The following UNKL variants were observed in gnomAD, a reference collection of about 807,000 sequenced individuals.
The protein encoded by UNKL is unk like zinc finger.
Under a neutral mutation model 78.0 loss-of-function variants are expected in UNKL, and 60 were observed. The observed-to-expected ratio is 0.77, with a 90% confidence interval of 0.63 to 0.95. The LOEUF (loss-of-function observed/expected upper bound fraction) is 0.95. Ranked by LOEUF, UNKL falls within the 40% of genes least tolerant of loss-of-function variation. UNKL has a pLI of 0.00. For missense variants in UNKL, 1,159 were observed against 1,045.7 expected, an observed-to-expected ratio of 1.11 and a Z score of -1.49; for synonymous variants, 608 against 474.8, an observed-to-expected ratio of 1.28 and a Z score of -3.65.
chr16:1,392,789 G>T, intron 8 of UNKL, 102 bp downstream of exon 8: 1 of 1,363,888 alleles, frequency 7.3e-7, no homozygotes, highest in Non-Finnish European at 1.0e-6. Context: ...TCCACAGACT[G>T]CCCACGACCA....
At chr16:1,379,556 A>G in intron 10 of UNKL, 2 of 985,032 alleles carry the variant, frequency 2.0e-6, no homozygotes, top group Non-Finnish European at 2.4e-6. Flanking sequence ...CACCTAAGGG[A>G]GGGCCCGCTC....
chr16:1,393,264 G>C (rs562110224), intron 7 of UNKL, among the ~76,000 whole-genome samples: 14 of 152,344 alleles, frequency 9.2e-5, no homozygotes, highest in African/African-American at 3.1e-4. Flanking sequence ...ATTTGAGCTT[G>C]TGACCACACA....
chr16:1,395,806 C>A (rs754345963), intron 6 of UNKL: 3 of 455,414 alleles, frequency 6.6e-6, no homozygotes, highest in Non-Finnish European at 1.3e-5. Flanking sequence ...GGACTCCCGA[C>A]AGGCCCCTGG....
intron 7 of UNKL, among the ~76,000 whole-genome samples, chr16:1,393,881 G>C (rs1443224521): frequency 6.6e-6 from 1 of 152,228 alleles, no homozygotes. Context: ...CGTGCCTGAA[G>C]ACAGGGTCCC....
intron 2 of UNKL, among the ~76,000 whole-genome samples, chr16:1,413,105 T>C (rs911941547): frequency 1.3e-5 from 2 of 151,776 alleles, no homozygotes; most frequent in African/African-American, 4.8e-5. Flanking sequence ...CAAAATTAGC[T>C]GGCATGGCAT....
In UNKL at chr16:1,395,842, G is replaced by A. The variant is rs57684031; in HGVS notation, c.852+1336C>T. 6.7e-3 allele frequency: 2,936 copies of A among 437,000 alleles called. 58 individuals are homozygous for A. The highest frequency in any genetic ancestry group is 0.052 in the African/African-American group (2,599 of 49,750). The allele number at this position is 437,000 out of a possible 1,614,324, so 27.1% of individuals were successfully genotyped here. A position where few individuals can be genotyped will look rare whatever the true frequency, so the allele number is the denominator to read the frequency against. On this transcript the variant is annotated intron_variant, in intron 6 of 14. Transcript: ENST00000389221. Reference sequence around the variant, plus strand: ...TGACACCATTGAGTGTGTGGTCACCGACACCCAGAAAGCATGATGCGCGTC... The same window carrying A: ...TGACACCATTGAGTGTGTGGTCACCAACACCCAGAAAGCATGATGCGCGTC...
chr16:1,411,540 A>G (rs1013826152), intron 2 of UNKL, among the ~76,000 whole-genome samples: 1 of 151,998 alleles, frequency 6.6e-6, no homozygotes, highest in Admixed American at 6.6e-5. Context: ...TCAAAAAACA[A>G]AAACAGCCGG....
At chr16:1,369,591 A>C (rs1017144423) in intron 12 of UNKL, among the ~76,000 whole-genome samples, 49 of 149,576 alleles carry the variant, frequency 3.3e-4, no homozygotes, top group African/African-American at 1.0e-3. Context: ...CTGGTCTTGA[A>C]CTCCCAATCT....
chr16:1,406,152 A>G (rs2037753256), intron 2 of UNKL: 1 of 426,682 alleles, frequency 2.3e-6, no homozygotes, highest in Admixed American at 2.5e-5. Flanking sequence ...GGCCCAGAGC[A>G]CAGCACTGAA....
At chr16:1,401,973 T>C (rs1567233669) in intron 3 of UNKL, among the ~76,000 whole-genome samples, 3 of 152,204 alleles carry the variant, frequency 2.0e-5, no homozygotes, top group African/African-American at 7.2e-5. Flanking sequence ...TCACAGCTCA[T>C]TGCAGTCTCC....
intron 10 of UNKL, chr16:1,379,653 G>A (rs2036510012): frequency 4.1e-6 from 4 of 984,424 alleles, no homozygotes; most frequent in South Asian, 4.7e-5. Context: ...CACGGTCCGC[G>A]GCCGCCCCGC....
intron 3 of UNKL, among the ~76,000 whole-genome samples, 166 bp from the exon 4 acceptor site, chr16:1,401,867 G>A (rs1310144610): frequency 6.6e-6 from 1 of 152,196 alleles, no homozygotes; most frequent in African/African-American, 2.4e-5. Context: ...CTGGCCCGCA[G>A]TCCTCATCCA....
intron 10 of UNKL, among the ~76,000 whole-genome samples, chr16:1,377,041 G>A (rs370582881): frequency 2.4e-4 from 37 of 151,866 alleles, no homozygotes; most frequent in African/African-American, 8.5e-4. Flanking sequence ...CCCCCCAACC[G>A]AGATAGAGTC....
chr16:1,393,011 C>T (rs1165717842), intron 7 of UNKL, 35 bp from the exon 8 acceptor site: 5 of 1,544,606 alleles, frequency 3.2e-6, no homozygotes, highest in South Asian at 2.4e-5. Flanking sequence ...CTCTGAGGGC[C>T]GCTGGTGGGC....
rs2035197704 is a variant in UNKL at position 1,365,755 on chromosome 16, T to G, written c.*485A>C. 1 of 152,978 alleles carries G rather than the reference T, an allele frequency of 6.5e-6. No homozygotes were observed. The highest frequency in any genetic ancestry group is 1.5e-5 in the Non-Finnish European group (1 of 68,376). The allele number at this position is 152,978 out of a possible 1,614,324, so 9.5% of individuals were successfully genotyped here. ...ATAAACTGATATGAAATATTTAAGT[T>G]CACAGTACACATATAAAGCTTCATA... On this transcript the variant is annotated 3_prime_UTR_variant, in exon 15 of 15. Coordinates refer to ENST00000389221, the MANE Select transcript of UNKL (RefSeq NM_001372107.1).
chr16:1,397,790 G>A (rs938308193), intron 5 of UNKL, among the ~76,000 whole-genome samples: 10 of 149,818 alleles, frequency 6.7e-5, no homozygotes, highest in African/African-American at 2.2e-4. Context: ...CCCGACCCCC[G>A]TGCTTCACGC....
At position 1,367,775 on chromosome 16, in the gene UNKL, G is replaced by A; in HGVS notation, c.1669C>T (p.Pro557Ser). The A allele has an allele frequency of 6.4e-7, 1 of 1,573,354 alleles. No homozygotes were observed. Among genetic ancestry groups the A allele is most frequent in the Non-Finnish European group, 8.6e-7 (1 of 1,159,926 alleles). ...PSPSPILSAG[P>S]PSSSSASPNG... ...GGACTTGCACTCGAAGAGGATGGGG[G>A]GCCGGCACTCAGGATGGGGGAGGGG... Residue 557 changes from proline to serine, a missense_variant, in exon 13 of 15, where the codon CCC becomes TCC. Physicochemically the swap from Pro to Ser is moderately conservative, Grantham distance 74. Transcript: ENST00000389221.
intron 9 of UNKL, among the ~76,000 whole-genome samples, chr16:1,386,392 A>C (rs755022876): frequency 6.6e-6 from 1 of 152,108 alleles, no homozygotes; most frequent in Non-Finnish European, 1.5e-5. Flanking sequence ...ATCTCTACTA[A>C]AAATACAAAA....
chr16:1,405,920 G>A (rs773397511), intron 2 of UNKL: 9 of 456,344 alleles, frequency 2.0e-5, no homozygotes, highest in South Asian at 6.2e-5. Context: ...ACCCAAGGAG[G>A]GTCCACCAGA....
Sources: gnomAD v4.1 joint callset for allele counts (sites outside exome capture counted in the v4.1 genomes callset) on GRCh38, gnomAD v4.1.1 for gene constraint, MANE v1.5 for transcripts, NCBI Gene and HGNC (gene_info 2026-07-23, HGNC 2026-07-21) for gene names.